NDC1: variants seen among roughly 807,000 people sequenced by gnomAD.
The protein encoded by NDC1 is NDC1 transmembrane nucleoporin, also known as nucleoporin NDC1.
In NDC1, 24 loss-of-function variants were observed where a neutral mutation model predicts 89.8. The ratio of observed to expected loss-of-function variants is 0.27; its 90% CI spans 0.19 to 0.38. The LOEUF (loss-of-function observed/expected upper bound fraction) is 0.38, where lower values mean the gene tolerates loss of function less well. NDC1 is among the 10% of genes least tolerant of loss of function. The probability of loss-of-function intolerance (pLI) is 1.00; values close to 1 mark genes in which losing one functional copy is unlikely to be tolerated. For synonymous variants in NDC1, 296 were observed against 284.8 expected, an observed-to-expected ratio of 1.04 and a Z score of -0.39; for missense variants, 728 against 797.6, an observed-to-expected ratio of 0.91 and a Z score of 1.05.
At chr1:53,836,958 T>C (rs1007158771) in intron 1 of NDC1, among the ~76,000 whole-genome samples, 2 of 152,132 alleles carry the variant, frequency 1.3e-5, no homozygotes, top group Non-Finnish European at 2.9e-5. Context: ...AAATTGGACA[T>C]CAGCAATATT....
intron 4 of NDC1, among the ~76,000 whole-genome samples, chr1:53,826,433 T>C (rs1208076959): frequency 1.3e-5 from 2 of 152,164 alleles, no homozygotes; most frequent in Non-Finnish European, 2.9e-5. Context: ...TTTTCCTCCT[T>C]GTAGCTGAGT....
At chr1:53,804,924 C>T (rs935229802) in intron 9 of NDC1, among the ~76,000 whole-genome samples, 2 of 152,076 alleles carry the variant, frequency 1.3e-5, no homozygotes, top group African/African-American at 2.4e-5. Flanking sequence ...TGCCACAGTA[C>T]ATTTTAGTTA....
At chr1:53,825,168 GTC>G (rs1648805159) in intron 5 of NDC1, among the ~76,000 whole-genome samples, 1 of 150,918 alleles carries the variant, frequency 6.6e-6, no homozygotes, top group African/African-American at 2.4e-5. Context: ...GTGAGACTCT[GTC>G]TCAAAAAAGA....
intron 14 of NDC1, among the ~76,000 whole-genome samples, chr1:53,792,180 G>A (rs1045958465): frequency 6.6e-6 from 1 of 152,116 alleles, no homozygotes; most frequent in Admixed American, 6.6e-5. Context: ...CTGACCTCGT[G>A]ATCCGCCCGC....
At chr1:53,793,375 A>G in intron 13 of NDC1, 96 bp from the exon 14 acceptor site, 5 of 979,922 alleles carry the variant, frequency 5.1e-6, no homozygotes, top group South Asian at 4.1e-5. Context: ...AACTTAAATG[A>G]AAAAATGAAA....
At chr1:53,800,224 C>T (rs1195396812) in intron 11 of NDC1, among the ~76,000 whole-genome samples, 1 of 151,960 alleles carries the variant, frequency 6.6e-6, no homozygotes, top group African/African-American at 2.4e-5. Context: ...TACAATGATA[C>T]CCACGTCATT....
Position 53,766,669 on chromosome 1 carries a change from G to T in NDC1, c.*1301C>A, listed in dbSNP as rs1647068262. On this transcript the variant is annotated 3_prime_UTR_variant, in exon 18 of 18. Coordinates refer to ENST00000371429, the MANE Select transcript of NDC1 (RefSeq NM_018087.5). ...CGGAGCTAAAATATTCAATTATAAA[G>T]ATATAATACATCGATGAATCAGACA... The T allele has an allele frequency of 1.3e-5, 2 of 152,014 alleles. No homozygotes were observed. The highest frequency in any genetic ancestry group is 4.8e-5 in the African/African-American group (2 of 41,414). 9.4% of individuals were successfully genotyped at this position (152,014 alleles called of 1,614,324 possible). A position where few individuals can be genotyped will look rare whatever the true frequency, so the allele number is the denominator to read the frequency against.
chr1:53,788,444 G>C (rs548058850), intron 15 of NDC1, among the ~76,000 whole-genome samples: 5 of 149,908 alleles, frequency 3.3e-5, no homozygotes, highest in East Asian at 2.0e-4. Context: ...TTTTTTTTTT[G>C]AGATGGAGTT....
At chr1:53,793,384 A>G (rs1647585507) in intron 13 of NDC1, 105 bp from the exon 14 acceptor site, 1 of 866,730 alleles carries the variant, frequency 1.2e-6, no homozygotes. Flanking sequence ...GAAAAAATGA[A>G]ACACTTCACA....
rs202146843 is a variant in NDC1 at position 53,800,769 on chromosome 1, G to T, written c.1146C>A (p.Leu382=). Residue 382 remains leucine, a synonymous_variant, in exon 11 of 18, where the codon CTC becomes CTA. Transcript: ENST00000371429. The stretch of plus-strand genomic sequence containing the variant: ...CATTCGTAGCAGCAGCTTCTTGATA[G>T]AGAATCAGTTTCTGAGTCATACCAT... The part of the protein sequence containing the change: ...LLNGMTQKLI[L]YQEAAATNGR... The T allele has an allele frequency of 3.1e-6, 5 of 1,613,944 alleles. No individual in the cohort carries two copies. Among genetic ancestry groups the T allele is most frequent in the Non-Finnish European group, 4.2e-6 (5 of 1,179,856 alleles).
At chr1:53,793,575 AT>A (rs1647594394) in intron 13 of NDC1, among the ~76,000 whole-genome samples, 1 of 151,866 alleles carries the variant, frequency 6.6e-6, no homozygotes, top group South Asian at 2.1e-4. Flanking sequence ...TTTTGGTGAA[AT>A]TTTTTTCTTT....
chr1:53,804,837 C>CTCA (rs1648049209), intron 9 of NDC1, among the ~76,000 whole-genome samples: 1 of 151,690 alleles, frequency 6.6e-6, no homozygotes, highest in Non-Finnish European at 1.5e-5. Context: ...AACCCCTTTA[C>CTCA]TCATCCTTCA....
At chr1:53,781,951 T>A (rs1229072687) in intron 16 of NDC1, among the ~76,000 whole-genome samples, 2 of 152,188 alleles carry the variant, frequency 1.3e-5, no homozygotes, top group Non-Finnish European at 2.9e-5. Flanking sequence ...TAAGTGCCTG[T>A]CATTTGCCAG....
chr1:53,818,713 GTTT>G (rs1238900139), intron 6 of NDC1, among the ~76,000 whole-genome samples: 1 of 151,630 alleles, frequency 6.6e-6, no homozygotes, highest in Non-Finnish European at 1.5e-5. Context: ...TGTCCTCAAG[GTTT>G]ATTCAAGCTG....
intron 2 of NDC1, among the ~76,000 whole-genome samples, 177 bp from the exon 3 acceptor site, chr1:53,832,768 A>T (rs899557314): frequency 6.6e-6 from 1 of 152,230 alleles, no homozygotes; most frequent in African/African-American, 2.4e-5. Flanking sequence ...CTCAAGAACT[A>T]CAGTGTGGGC....
chr1:53,771,407 A>C (rs1328945727), intron 17 of NDC1, among the ~76,000 whole-genome samples: 2 of 152,160 alleles, frequency 1.3e-5, no homozygotes, highest in African/African-American at 4.8e-5. Flanking sequence ...TACAATTATG[A>C]TAATTTCTAC....
intron 14 of NDC1, among the ~76,000 whole-genome samples, chr1:53,790,536 G>A (rs190919984): frequency 1.5e-4 from 22 of 151,684 alleles, no homozygotes; most frequent in African/African-American, 4.1e-4. Flanking sequence ...GTAAAACTCC[G>A]TCTCTACTAA....
chr1:53,770,369 C>T (rs1344923045), intron 17 of NDC1, among the ~76,000 whole-genome samples: 2 of 151,992 alleles, frequency 1.3e-5, no homozygotes, highest in Non-Finnish European at 2.9e-5. Context: ...TGCAGTGGTG[C>T]AGTATCGGCT....
intron 6 of NDC1, among the ~76,000 whole-genome samples, chr1:53,816,134 T>G (rs749345986): frequency 6.6e-6 from 1 of 152,054 alleles, no homozygotes; most frequent in Non-Finnish European, 1.5e-5. Flanking sequence ...AGAGCCCACA[T>G]AGCCAAAGCA....
Sources: gnomAD v4.1 joint callset for allele counts (sites outside exome capture counted in the v4.1 genomes callset) on GRCh38, gnomAD v4.1.1 for gene constraint, MANE v1.5 for transcripts, NCBI Gene and HGNC (gene_info 2026-07-23, HGNC 2026-07-21) for gene names.